The following HOXB3 variants were observed in gnomAD, a reference collection of about 807,000 sequenced individuals.
HOXB3 encodes the protein homeobox B3.
HOXB3 carries 17 observed loss-of-function variants against 29.2 expected under a neutral mutation model. The ratio of observed to expected loss-of-function variants is 0.58; its 90% CI spans 0.40 to 0.87. The LOEUF (loss-of-function observed/expected upper bound fraction) is 0.87, where lower values mean the gene tolerates loss of function less well. HOXB3 is among the 40% of genes least tolerant of loss of function. The pLI, the probability that HOXB3 is intolerant of heterozygous loss-of-function variation, is 0.00. For missense variants in HOXB3, 637 were observed against 616.3 expected, an observed-to-expected ratio of 1.03 and a Z score of -0.35; for synonymous variants, 317 against 285.9, an observed-to-expected ratio of 1.11 and a Z score of -1.10.
At position 48,548,971 on chromosome 17, in the gene HOXB3, G is replaced by T. The variant is rs2068614837; in HGVS notation, c.*1363C>A. The T allele has an allele frequency of 6.6e-6, 1 of 152,656 alleles. No individual in the cohort carries two copies. Among genetic ancestry groups the T allele is most frequent in the Non-Finnish European group, 1.5e-5 (1 of 68,046 alleles). The allele number at this position is 152,656 out of a possible 1,614,324, so 9.5% of individuals were successfully genotyped here. A position where few individuals can be genotyped will look rare whatever the true frequency, so the allele number is the denominator to read the frequency against. ...GAAGAACAAAGAAAGTTCCAAGAGG[G>T]AATTAACTCTAGTTCTACAAATTCA... On this transcript the variant is annotated 3_prime_UTR_variant, in exon 5 of 5. Transcript: ENST00000498678.
Position 48,549,390 on chromosome 17 carries a change from CAA to C in HOXB3, c.*942_*943del, listed in dbSNP as rs2068628941. On this transcript the variant is annotated 3_prime_UTR_variant, in exon 5 of 5. Coordinates refer to ENST00000498678, the MANE Select transcript of HOXB3 (RefSeq NM_001384749.1). ...ATTAAAATGTAAATTCTAAGTGCAA[CAA>C]AAGTGTCCTGTCAGGAGGCTGAGCA... The C allele has an allele frequency of 6.6e-6, 1 of 152,618 alleles. No individual in the cohort carries two copies. Among genetic ancestry groups the C allele is most frequent in the Admixed American group, 6.5e-5 (1 of 15,290 alleles). The allele number at this position is 152,618 out of a possible 1,614,324, so 9.5% of individuals were successfully genotyped here.
rs778477263 is a variant in HOXB3, at chr17:48,550,565, C to A, written c.1065G>T (p.Gly355=). 1.3e-6 allele frequency: 2 copies of A among 1,523,658 alleles called. No individual in the cohort carries two copies. The highest frequency in any genetic ancestry group is 1.7e-6 in the Non-Finnish European group (2 of 1,147,314). 94.4% of individuals were successfully genotyped at this position (1,523,658 alleles called of 1,614,324 possible). Reference sequence around the variant, plus strand: ...GCGGCAGCGGATCCGCGTAGCCGCCCCCGCCCACGTACACCGGACTGCCCT... The same window carrying A: ...GCGGCAGCGGATCCGCGTAGCCGCCACCGCCCACGTACACCGGACTGCCCT... The part of the protein sequence containing the change: ...TMQGSPVYVG[G]GGYADPLPPP... Residue 355 remains glycine (G), a synonymous_variant, in exon 5 of 5, where the codon GGG becomes GGT. Transcript: ENST00000498678.
intron 2 of HOXB3, among the ~76,000 whole-genome samples, chr17:48,570,863 C>T (rs537851769): frequency 2.4e-4 from 36 of 152,340 alleles, no homozygotes; most frequent in Admixed American, 2.1e-3. Context: ...GCGAGGGCAA[C>T]TCCCTGAAAC....
intron 1 of HOXB3, among the ~76,000 whole-genome samples, chr17:48,589,059 G>A (rs2070099150): frequency 1.3e-5 from 2 of 152,026 alleles, no homozygotes; most frequent in Admixed American, 1.3e-4. Context: ...CAATTTGGTG[G>A]GGAAGAAGCC....
At chr17:48,576,650 T>TGCCCCCCCCCCCCA in intron 1 of HOXB3, 2 of 567,768 alleles carry the variant, frequency 3.5e-6, no homozygotes, top group African/African-American at 2.0e-5. Context: ...CCCCCTCCTG[T>TGCCCCCCCCCCCCA]CCCCCCACCC....
chr17:48,585,456 C>T (rs1182633921), intron 1 of HOXB3, among the ~76,000 whole-genome samples: 4 of 152,114 alleles, frequency 2.6e-5, no homozygotes, highest in African/African-American at 9.7e-5. Context: ...CCCAACGATG[C>T]GGGGGGGCCC....
chr17:48,565,354 G>C (rs1033178396), intron 2 of HOXB3, among the ~76,000 whole-genome samples: 3 of 152,250 alleles, frequency 2.0e-5, no homozygotes, highest in African/African-American at 7.2e-5. Flanking sequence ...TCTAGAGGCA[G>C]TTGTTTCTGA....
In HOXB3 at chr17:48,551,156, ACCGCCG is replaced by A. The variant is rs748315432; in HGVS notation, c.468_473del (p.Gly163_Gly164del). ...CACCACTGCCTCCGCCGCCGCCGCC[ACCGCCG>A]CCGCCACCACAGCCCTCTGCTGGAT... is the stretch of plus-strand genomic sequence containing the variant. On this transcript the variant is annotated inframe_deletion, in exon 5 of 5. Transcript: ENST00000498678. The A allele has an allele frequency of 2.4e-6, 3 of 1,274,078 alleles. No homozygotes were observed. Among genetic ancestry groups the A allele is most frequent in the Non-Finnish European group, 3.0e-6 (3 of 1,008,836 alleles). 78.9% of individuals were successfully genotyped at this position (1,274,078 alleles called of 1,614,324 possible).
intron 1 of HOXB3, among the ~76,000 whole-genome samples, chr17:48,585,922 G>A (rs2070037447): frequency 1.3e-5 from 2 of 152,190 alleles, no homozygotes; most frequent in Non-Finnish European, 2.9e-5. Context: ...CTTTTGGTAA[G>A]GCAAAATGGT....
chr17:48,584,355 T>C (rs995677847), intron 1 of HOXB3, among the ~76,000 whole-genome samples: 12 of 152,140 alleles, frequency 7.9e-5, no homozygotes, highest in African/African-American at 2.7e-4. Context: ...GAGAGAGGAA[T>C]GAGAGTTTGG....
chr17:48,564,188 G>T (rs1382998515), intron 2 of HOXB3, among the ~76,000 whole-genome samples: 1 of 151,928 alleles, frequency 6.6e-6, no homozygotes, highest in Non-Finnish European at 1.5e-5. Context: ...GGCCCCGAGC[G>T]CCCCGGCTCC....
Position 48,552,420 on chromosome 17 carries a change from A to T in HOXB3, c.55T>A (p.Ser19Thr). ...AAGCCATTGCTGCCAGGGTACGAGG[A>T]ATAGCCTCCGAAGAGAGCAGCCGCG... ...NAAAALFGGY[S>T]SYPGSNGFGF... Residue 19 changes from serine to threonine, a missense_variant, in exon 4 of 5, where the codon TCC becomes ACC. Coordinates refer to ENST00000498678, the MANE Select transcript of HOXB3 (RefSeq NM_001384749.1). The T allele has an allele frequency of 6.2e-7, 1 of 1,608,560 alleles. No homozygotes were observed. Among genetic ancestry groups the T allele is most frequent in the Non-Finnish European group, 8.5e-7 (1 of 1,176,468 alleles).
chr17:48,586,566 T>C (rs1393336144), intron 1 of HOXB3, among the ~76,000 whole-genome samples: 2 of 152,194 alleles, frequency 1.3e-5, no homozygotes, highest in East Asian at 3.8e-4. Flanking sequence ...CTATGAATTA[T>C]TGATGAGATA....
Position 48,554,835 on chromosome 17 carries a change from C to T in HOXB3, c.-159+696G>A, listed in dbSNP as rs2068898511. 1 of 702,198 alleles carries T rather than the reference C, an allele frequency of 1.4e-6. No homozygotes were observed. Among genetic ancestry groups the T allele is most frequent in the Non-Finnish European group, 2.6e-6 (1 of 384,778 alleles). 43.5% of individuals were successfully genotyped at this position (702,198 alleles called of 1,614,324 possible). A position where few individuals can be genotyped will look rare whatever the true frequency, so the allele number is the denominator to read the frequency against. On this transcript the variant is annotated intron_variant, in intron 3 of 4. Transcript: ENST00000498678. The surrounding 1 kb of genome is among the most constrained non-coding windows in gnomAD (Gnocchi z 4.1). ...AGCAGGGCTCCGGGTTGGAGGGCGC[C>T]GAGGCCTGGCGGACGGGACAGTGGG...
chr17:48,554,437 A>G lies in HOXB3; in HGVS notation c.-159+1094T>C, dbSNP rs930345113. On this transcript the variant is annotated intron_variant, in intron 3 of 4. Transcript: ENST00000498678. The surrounding 1 kb of genome is among the most constrained non-coding windows in gnomAD (Gnocchi z 4.1). ...CTCCCCTTGCAATAAACCCCAAACCATCGCGGGACGGAGGCCAGGCGAGTG... is the reference window on the plus strand; with the variant it reads ...CTCCCCTTGCAATAAACCCCAAACCGTCGCGGGACGGAGGCCAGGCGAGTG... 1.7e-6 allele frequency: 1 copy of G among 587,516 alleles called. No individual in the cohort carries two copies. The highest frequency in any genetic ancestry group is 1.9e-5 in the African/African-American group (1 of 53,524). 36.4% of individuals were successfully genotyped at this position (587,516 alleles called of 1,614,324 possible).
intron 4 of HOXB3, 75 bp downstream of exon 4, chr17:48,551,952 G>A (rs2068766047): frequency 2.8e-6 from 4 of 1,425,278 alleles, no homozygotes; most frequent in Admixed American, 2.2e-5. Context: ...GGCGCCTAGG[G>A]GCTGGGTGCT....
At chr17:48,576,963 T>C in intron 1 of HOXB3, 1 of 1,613,896 alleles carries the variant, frequency 6.2e-7, no homozygotes, top group Non-Finnish European at 8.5e-7. Flanking sequence ...CAAGACCTGC[T>C]GGCGCGTGTA....
At chr17:48,576,579 T>G in intron 1 of HOXB3, 2 of 648,130 alleles carry the variant, frequency 3.1e-6, no homozygotes, top group Non-Finnish European at 4.9e-6. Flanking sequence ...TCTTCTGCGT[T>G]TATTCGTATA....
chr17:48,585,552 C>T (rs2070031382), intron 1 of HOXB3, among the ~76,000 whole-genome samples: 1 of 152,222 alleles, frequency 6.6e-6, no homozygotes, highest in South Asian at 2.1e-4. Context: ...CTACTGGCAG[C>T]TCCGGGATGT....
Sources: allele counts gnomAD v4.1 joint callset (sites outside exome capture counted in the v4.1 genomes callset), GRCh38; gene constraint gnomAD v4.1.1; non-coding constraint Gnocchi (gnomAD v3.1); transcripts MANE v1.5; gene names NCBI Gene and HGNC (gene_info 2026-07-23, HGNC 2026-07-21).